The following ZNF780A variants were observed in gnomAD, a reference collection of about 807,000 sequenced individuals.
ZNF780A encodes zinc finger protein 780A.
ZNF780A carries 40 observed loss-of-function variants against 56.7 expected under a neutral mutation model. The ratio of observed to expected loss-of-function variants is 0.71; its 90% CI spans 0.55 to 0.92. The LOEUF (loss-of-function observed/expected upper bound fraction) is 0.92. Among genes scored for constraint, ZNF780A ranks in the 40% least tolerant of loss-of-function variants. The probability of loss-of-function intolerance (pLI) is 0.00; values close to 1 mark genes in which losing one functional copy is unlikely to be tolerated. For synonymous variants in ZNF780A, 231 were observed against 248.3 expected (o/e 0.93, Z 0.66); for missense variants, 672 against 783.3 (o/e 0.86, Z 1.70).
chr19:40,086,707 C>G (rs1355897745), intron 2 of ZNF780A, among the ~76,000 whole-genome samples: 1 of 151,924 alleles, frequency 6.6e-6, no homozygotes, highest in Non-Finnish European at 1.5e-5. Flanking sequence ...ATAACAATTT[C>G]TTTTTGGGGG....
chr19:40,075,849 C>A lies in ZNF780A; in HGVS notation c.593G>T (p.Cys198Phe). The change falls in exon 6 of 6, where the codon TGT (cysteine) becomes TTT (phenylalanine). Residue 198 changes from cysteine to phenylalanine, a missense_variant. Coordinates refer to ENST00000683561, the MANE Select transcript of ZNF780A (RefSeq NM_001142578.2). ...TATGTGAAGTCGAAAGGCTTTCCCA[C>A]ACTCCTTACATTCAAAGGGTTTCTC... Reference protein sequence around the residue: ...TGEKPFECKECGKAFRLHIQF... With the variant: ...TGEKPFECKEFGKAFRLHIQF... 1 of 1,614,060 alleles carries A rather than the reference C, an allele frequency of 6.2e-7. No homozygotes were observed.
rs183622242 is a variant in ZNF780A at position 40,075,920 on chromosome 19, A to G, written c.522T>C (p.Phe174=). 10 of 1,614,128 alleles carry G rather than the reference A, an allele frequency of 6.2e-6. No individual in the cohort carries two copies. The African/African-American group carries it at 1.1e-4, about 17-fold the overall frequency. ...GCTGAATAAGATTTGCACTACGACTAAAGTATTTCCCACATTCCTTACATT... is the reference window on the plus strand; with the variant it reads ...GCTGAATAAGATTTGCACTACGACTGAAGTATTTCCCACATTCCTTACATT... ...PYECKECGKY[F]SRSANLIQHQ... Residue 174 remains phenylalanine, a synonymous_variant, in exon 6 of 6, where the codon TTT becomes TTC. Coordinates refer to ENST00000683561, the MANE Select transcript of ZNF780A (RefSeq NM_001142578.2).
intron 5 of ZNF780A, among the ~76,000 whole-genome samples, chr19:40,077,184 C>G (rs1206232391): frequency 6.6e-6 from 1 of 152,098 alleles, no homozygotes; most frequent in Non-Finnish European, 1.5e-5. Context: ...ACCACCAGAG[C>G]CCAAGGACTT....
Position 40,074,140 on chromosome 19 carries a change from G to A in ZNF780A, c.*376C>T, listed in dbSNP as rs909272702. 37 of 1,365,088 alleles carry A rather than the reference G, an allele frequency of 2.7e-5. No homozygotes were observed. The Admixed American group carries it at 7.9e-4, about 29-fold the overall frequency. The allele number at this position is 1,365,088 out of a possible 1,614,324, so 84.6% of individuals were successfully genotyped here. ...GTATGAATACTCTGATGTTGAACAA[G>A]GTTTGAGCCACTATTGAAGGCCTTC... On this transcript the variant is annotated 3_prime_UTR_variant, in exon 6 of 6. Coordinates refer to ENST00000683561, the MANE Select transcript of ZNF780A (RefSeq NM_001142578.2).
intron 3 of ZNF780A, among the ~76,000 whole-genome samples, chr19:40,084,162 G>C (rs1568456178): frequency 6.6e-6 from 1 of 152,008 alleles, no homozygotes; most frequent in African/African-American, 2.4e-5. Flanking sequence ...ACCCACCTCG[G>C]CCTCCCAAAG....
intron 1 of ZNF780A, chr19:40,090,547 T>C (rs893094398): frequency 1.3e-5 from 2 of 152,278 alleles, no homozygotes; most frequent in African/African-American, 4.8e-5. Context: ...GCCATTCCTC[T>C]GCTGCAGTCC....
In ZNF780A at chr19:40,073,470, C is replaced by T. The variant is rs1973911698; in HGVS notation, c.*1046G>A. On this transcript the variant is annotated 3_prime_UTR_variant, in exon 6 of 6. Coordinates refer to ENST00000683561, the MANE Select transcript of ZNF780A (RefSeq NM_001142578.2). Reference sequence around the variant, plus strand: ...ATCGTCTTGCTCACCACAGGGTTGCCACAAACCTTCAGTTTGTATAAAACA... The same window carrying T: ...ATCGTCTTGCTCACCACAGGGTTGCTACAAACCTTCAGTTTGTATAAAACA... 5 of 960,252 alleles carry T rather than the reference C, an allele frequency of 5.2e-6. No individual in the cohort carries two copies. The South Asian group carries it at 2.4e-4, about 46-fold the overall frequency. The allele number at this position is 960,252 out of a possible 1,614,324, so 59.5% of individuals were successfully genotyped here. A position where few individuals can be genotyped will look rare whatever the true frequency, so the allele number is the denominator to read the frequency against.
downstream of ZNF780A, chr19:40,072,138 TA>T: frequency 8.4e-6 from 2 of 237,270 alleles, no homozygotes; most frequent in Non-Finnish European, 1.7e-5. Flanking sequence ...AGTCCATGAC[TA>T]AAATCTACCG....
chr19:40,088,172 G>A (rs1038804532), intron 2 of ZNF780A, among the ~76,000 whole-genome samples: 2 of 152,114 alleles, frequency 1.3e-5, no homozygotes, highest in Non-Finnish European at 2.9e-5. Flanking sequence ...ATGAAATTAT[G>A]TCAAGCTAAA....
At chr19:40,071,555 C>T (rs1973820157), downstream of ZNF780A, 1 of 152,122 alleles carries the variant, frequency 6.6e-6, no homozygotes, top group Non-Finnish European at 1.5e-5. Context: ...ATTTTGTATT[C>T]AATCCACAGC....
At chr19:40,089,057 G>C (rs1974977615) in intron 2 of ZNF780A, among the ~76,000 whole-genome samples, 1 of 152,030 alleles carries the variant, frequency 6.6e-6, no homozygotes. Context: ...TTGGTCAAAG[G>C]ATACAAAATT....
At chr19:40,084,622 G>T in intron 3 of ZNF780A, 123 bp downstream of exon 3, 3 of 962,404 alleles carry the variant, frequency 3.1e-6, no homozygotes, top group Non-Finnish European at 3.0e-6. Context: ...AACCTTCACT[G>T]TAATGGGACA....
downstream of ZNF780A, chr19:40,071,377 T>C (rs1568438711): frequency 6.6e-6 from 1 of 152,204 alleles, no homozygotes; most frequent in Non-Finnish European, 1.5e-5. Flanking sequence ...TAGGTGCTGA[T>C]GATAAATGCT....
intron 5 of ZNF780A, among the ~76,000 whole-genome samples, chr19:40,080,655 C>G (rs1306311593): frequency 1.3e-5 from 2 of 152,044 alleles, no homozygotes; most frequent in African/African-American, 2.4e-5. Context: ...AACAGAAAAA[C>G]AGACATCAGG....
In ZNF780A at chr19:40,074,162, C is replaced by A; in HGVS notation, c.*354G>T. On this transcript the variant is annotated 3_prime_UTR_variant, in exon 6 of 6. Coordinates refer to ENST00000683561, the MANE Select transcript of ZNF780A (RefSeq NM_001142578.2). ...CAAGGTTTGAGCCACTATTGAAGGC[C>A]TTCCCACATTTCTCAAATTCAAATG... 7.4e-7 allele frequency: 1 copy of A among 1,354,046 alleles called. No individual in the cohort carries two copies. Among genetic ancestry groups the A allele is most frequent in the East Asian group, 3.7e-5 (1 of 27,282 alleles). The allele number at this position is 1,354,046 out of a possible 1,614,324, so 83.9% of individuals were successfully genotyped here. A position where few individuals can be genotyped will look rare whatever the true frequency, so the allele number is the denominator to read the frequency against.
Position 40,073,711 on chromosome 19 carries a change from G to A in ZNF780A, c.*805C>T. 1 of 985,916 alleles carries A rather than the reference G, an allele frequency of 1.0e-6. No individual in the cohort carries two copies. Among genetic ancestry groups the A allele is most frequent in the South Asian group, 4.7e-5 (1 of 21,310 alleles). The allele number at this position is 985,916 out of a possible 1,614,324, so 61.1% of individuals were successfully genotyped here. On this transcript the variant is annotated 3_prime_UTR_variant, in exon 6 of 6. Coordinates refer to ENST00000683561, the MANE Select transcript of ZNF780A (RefSeq NM_001142578.2). ...TTCTCAGAAGTATGAATACTCAGAA[G>A]TTGAGCAAATCCCAGGCCATGATGA...
At chr19:40,082,228 G>A (rs561237643) in intron 4 of ZNF780A, among the ~76,000 whole-genome samples, 139 of 152,194 alleles carry the variant, frequency 9.1e-4, no homozygotes, top group African/African-American at 3.3e-3. Context: ...CCTCAGGTAA[G>A]TCACTTAAAC....
Position 40,090,194 on chromosome 19 carries a change from C to G in ZNF780A, c.-74G>C, listed in dbSNP as rs1418096073. On this transcript the variant is annotated 5_prime_UTR_variant, in exon 2 of 6. Coordinates refer to ENST00000683561, the MANE Select transcript of ZNF780A (RefSeq NM_001142578.2). The stretch of plus-strand genomic sequence containing the variant: ...TGACTTTAGGTGTGCAGCAGTAACG[C>G]TCTCATCCTCCTCCAGGTCCTTCTT... The G allele has an allele frequency of 6.6e-6, 1 of 152,190 alleles. No individual in the cohort carries two copies. The highest frequency in any genetic ancestry group is 1.5e-5 in the Non-Finnish European group (1 of 68,034). 9.4% of individuals were successfully genotyped at this position (152,190 alleles called of 1,614,324 possible).
chr19:40,089,367 T>C (rs2144986287), intron 2 of ZNF780A: 3 of 1,226,776 alleles, frequency 2.4e-6, no homozygotes, highest in Non-Finnish European at 3.2e-6. Flanking sequence ...ATTTTCTTAA[T>C]ATACAACCAG....
Sources: allele counts gnomAD v4.1 joint callset (sites outside exome capture counted in the v4.1 genomes callset), GRCh38; gene constraint gnomAD v4.1.1; transcripts MANE v1.5; gene names NCBI Gene and HGNC (gene_info 2026-07-23, HGNC 2026-07-21).